Variants in CCSER1 observed in about 807,000 individuals in gnomAD.
CCSER1 encodes the protein serine-rich coiled-coil domain-containing protein 1.
Under a neutral mutation model 82.0 loss-of-function variants are expected in CCSER1, and 41 were observed. The observed-to-expected ratio is 0.50, with a 90% CI of 0.39 to 0.65. The LOEUF (loss-of-function observed/expected upper bound fraction) is 0.65. CCSER1 is among the 30% of genes least tolerant of loss of function. CCSER1 has a pLI of 0.00. For synonymous variants in CCSER1, 414 were observed against 383.9 expected (o/e 1.08, Z -0.92); for missense variants, 1,119 against 1,064.2 (o/e 1.05, Z -0.72).
chr4:90,908,818 T>C (rs79947031), intron 8 of CCSER1, among the ~76,000 whole-genome samples: 23,584 of 152,140 alleles, frequency 0.16, 2,460 homozygotes, highest in Non-Finnish European at 0.23. Flanking sequence ...TACATTTTCA[T>C]GTTACTCTGC....
chr4:90,496,548 A>T (rs964356676), intron 5 of CCSER1, among the ~76,000 whole-genome samples: 7 of 152,196 alleles, frequency 4.6e-5, no homozygotes, highest in Admixed American at 1.3e-4. Flanking sequence ...TCAGATATTT[A>T]TGGAGTCTTC....
At chr4:90,366,266 C>T (rs978506150) in intron 3 of CCSER1, among the ~76,000 whole-genome samples, 1 of 149,414 alleles carries the variant, frequency 6.7e-6, no homozygotes, top group Non-Finnish European at 1.5e-5. Flanking sequence ...TCATTTATAA[C>T]AGCTGAAGAC....
At chr4:91,372,163 T>C (rs962281635) in intron 10 of CCSER1, among the ~76,000 whole-genome samples, 1 of 152,214 alleles carries the variant, frequency 6.6e-6, no homozygotes, top group Non-Finnish European at 1.5e-5. Context: ...CATGCCTCTT[T>C]ATATGCAAAG....
At chr4:91,009,850 T>C (rs1738858637) in intron 9 of CCSER1, among the ~76,000 whole-genome samples, 1 of 152,192 alleles carries the variant, frequency 6.6e-6, no homozygotes, top group Admixed American at 6.5e-5. Context: ...ATTATGGAAT[T>C]TTAAAAACTT....
At chr4:91,197,443 G>T (rs1262615275) in intron 10 of CCSER1, among the ~76,000 whole-genome samples, 4 of 152,268 alleles carry the variant, frequency 2.6e-5, no homozygotes, top group Middle Eastern at 3.4e-3. Flanking sequence ...TAGTAGTGTG[G>T]AGCCGCATGT....
intron 10 of CCSER1, among the ~76,000 whole-genome samples, chr4:91,268,105 A>G (rs1391233077): frequency 6.6e-6 from 1 of 152,232 alleles, no homozygotes; most frequent in African/African-American, 2.4e-5. Flanking sequence ...TCATTAAACT[A>G]GACATTTTGA....
At chr4:90,364,101 A>G (rs1029176646) in intron 3 of CCSER1, among the ~76,000 whole-genome samples, 1 of 152,108 alleles carries the variant, frequency 6.6e-6, no homozygotes, top group Non-Finnish European at 1.5e-5. Context: ...CTCTTGAAAC[A>G]TAGTGGGAGG....
chr4:90,448,170 G>T (rs1342354923), intron 4 of CCSER1, among the ~76,000 whole-genome samples: 1 of 151,806 alleles, frequency 6.6e-6, no homozygotes, highest in Non-Finnish European at 1.5e-5. Flanking sequence ...TAGGATATCA[G>T]ATTATAGCAA....
At chr4:91,573,650 C>A (rs1166451685) in intron 10 of CCSER1, among the ~76,000 whole-genome samples, 3 of 152,174 alleles carry the variant, frequency 2.0e-5, no homozygotes, top group African/African-American at 7.2e-5. Flanking sequence ...CTTCGTGATG[C>A]TACCAGGTGG....
intron 1 of CCSER1, among the ~76,000 whole-genome samples, chr4:90,156,784 G>A (rs1705977854): frequency 1.4e-5 from 2 of 147,192 alleles, no homozygotes; most frequent in South Asian, 2.3e-4. Context: ...CATGAGATGG[G>A]TTTCCTGAAT....
intron 10 of CCSER1, among the ~76,000 whole-genome samples, chr4:91,593,579 T>C (rs1236188016): frequency 6.7e-6 from 1 of 149,440 alleles, no homozygotes; most frequent in Middle Eastern, 3.2e-3. Flanking sequence ...CCCAAAGTGC[T>C]GGGATTACAG....
intron 6 of CCSER1, among the ~76,000 whole-genome samples, chr4:90,709,267 T>C (rs960768570): frequency 6.6e-6 from 1 of 152,156 alleles, no homozygotes; most frequent in Non-Finnish European, 1.5e-5. Context: ...TTTAAAATTT[T>C]TATCTATTTC....
intron 5 of CCSER1, among the ~76,000 whole-genome samples, chr4:90,497,620 A>G (rs1395649331): frequency 6.6e-6 from 1 of 152,220 alleles, no homozygotes; most frequent in Non-Finnish European, 1.5e-5. Context: ...CAATGCAAAC[A>G]TATGTAACGT....
chr4:90,778,539 A>AC (rs1216350680), intron 7 of CCSER1, among the ~76,000 whole-genome samples: 2 of 150,232 alleles, frequency 1.3e-5, no homozygotes, highest in African/African-American at 4.9e-5. Context: ...AAAAAAAAAA[A>AC]ACACAAAAAG....
At chr4:91,350,402 TTTA>T (rs1194686659) in intron 10 of CCSER1, among the ~76,000 whole-genome samples, 1 of 152,156 alleles carries the variant, frequency 6.6e-6, no homozygotes, top group East Asian at 1.9e-4. Flanking sequence ...TTTAAATTAT[TTTA>T]TTGTTATTAA....
chr4:90,325,356 T>A (rs1328692027), intron 3 of CCSER1, among the ~76,000 whole-genome samples: 1 of 152,228 alleles, frequency 6.6e-6, no homozygotes, highest in East Asian at 1.9e-4. Flanking sequence ...ATCTTTTACC[T>A]GTAACCCTAC....
intron 10 of CCSER1, among the ~76,000 whole-genome samples, chr4:91,181,752 A>G (rs919709518): frequency 6.6e-6 from 1 of 152,212 alleles, no homozygotes; most frequent in African/African-American, 2.4e-5. Context: ...TTCCTAAACA[A>G]GTACGTTCAT....
chr4:90,728,923 T>G (rs1744207286), intron 7 of CCSER1, among the ~76,000 whole-genome samples: 1 of 152,194 alleles, frequency 6.6e-6, no homozygotes, highest in African/African-American at 2.4e-5. Flanking sequence ...AATGACCACT[T>G]ATTTCTATTT....
At chr4:90,739,161 A>G (rs1008189826) in intron 7 of CCSER1, among the ~76,000 whole-genome samples, 4 of 152,222 alleles carry the variant, frequency 2.6e-5, no homozygotes, top group African/African-American at 9.6e-5. Context: ...TTAGAGCCCA[A>G]GGGCTGTTTA....
Sources: allele counts gnomAD v4.1 joint callset (sites outside exome capture counted in the v4.1 genomes callset), GRCh38; gene constraint gnomAD v4.1.1; transcripts MANE v1.5; gene names NCBI Gene and HGNC (gene_info 2026-07-23, HGNC 2026-07-21).